Variants in TEK observed in about 807,000 individuals in gnomAD.
TEK encodes the protein TEK receptor tyrosine kinase.
In TEK, 43 loss-of-function variants were observed where a neutral mutation model predicts 131.8. That is an observed-to-expected ratio of 0.33 (90% CI 0.26 to 0.42). The LOEUF (loss-of-function observed/expected upper bound fraction) is 0.42, where lower values mean the gene tolerates loss of function less well. Among genes scored for constraint, TEK ranks in the 10% least tolerant of loss-of-function variants. TEK has a pLI of 1.00. For missense variants in TEK, 1,162 were observed against 1,384.4 expected, an observed-to-expected ratio of 0.84 and a Z score of 2.55; for synonymous variants, 580 against 491.6, an observed-to-expected ratio of 1.18 and a Z score of -2.38.
At chr9:27,175,638 C>T (rs1343942891) in intron 6 of TEK, among the ~76,000 whole-genome samples, 2 of 151,856 alleles carry the variant, frequency 1.3e-5, no homozygotes, top group Admixed American at 1.3e-4. Flanking sequence ...TCCACATCCT[C>T]TCCAGCACCT....
chr9:27,115,286 C>T (rs779221391), intron 1 of TEK, among the ~76,000 whole-genome samples: 41 of 152,008 alleles, frequency 2.7e-4, no homozygotes, highest in Non-Finnish European at 4.4e-4. Context: ...ATCGCTTGAG[C>T]CCAGGAGTTT....
At chr9:27,194,313 C>T (rs759637636) in intron 11 of TEK, among the ~76,000 whole-genome samples, 4 of 152,150 alleles carry the variant, frequency 2.6e-5, no homozygotes, top group Admixed American at 6.5e-5. Flanking sequence ...AACATCCTTC[C>T]TTCACACCAC....
At chr9:27,137,763 A>G (rs1326695770) in intron 1 of TEK, among the ~76,000 whole-genome samples, 7 of 152,106 alleles carry the variant, frequency 4.6e-5, no homozygotes, top group Non-Finnish European at 2.9e-5. Flanking sequence ...ACACCTAAGA[A>G]CATCTTTTAG....
chr9:27,172,313 C>T (rs1040355336), intron 4 of TEK, among the ~76,000 whole-genome samples: 1 of 152,190 alleles, frequency 6.6e-6, no homozygotes, highest in Non-Finnish European at 1.5e-5. Context: ...CCAGCCTTAT[C>T]TTCTTTGCTA....
In TEK at chr9:27,213,526, G is replaced by A. The variant is rs764539097; in HGVS notation, c.2920G>A (p.Glu974Lys). The A allele has an allele frequency of 1.2e-6, 2 of 1,614,078 alleles. No homozygotes were observed. Among genetic ancestry groups the A allele is most frequent in the Non-Finnish European group, 1.7e-6 (2 of 1,179,936 alleles). The change falls in exon 18 of 23, where the codon GAA becomes AAA. Residue 974 changes from glutamate (E) to lysine (K), a missense_variant. Transcript: ENST00000380036. ...DLAARNILVG[E>K]NYVAKIADFG... ...GGCTGCCAGAAACATTTTAGTTGGT[G>A]AAAACTATGTGGCAAAAATAGCAGA...
At chr9:27,220,020 G>A in intron 20 of TEK, 29 bp from the exon 21 acceptor site, 3 of 1,608,250 alleles carry the variant, frequency 1.9e-6, no homozygotes, top group Non-Finnish European at 1.7e-6. Context: ...TGCCAGAGAG[G>A]ACTTAGAGTG....
intron 1 of TEK, among the ~76,000 whole-genome samples, chr9:27,147,407 T>C (rs1204348162): frequency 2.0e-5 from 3 of 152,140 alleles, no homozygotes; most frequent in Non-Finnish European, 1.5e-5. Flanking sequence ...CTCAAATCTT[T>C]TGCTCATTTA....
chr9:27,217,313 T>TTTCCCTTTTCAACCCTGC (rs1404134132), intron 18 of TEK, among the ~76,000 whole-genome samples: 1 of 152,152 alleles, frequency 6.6e-6, no homozygotes, highest in Non-Finnish European at 1.5e-5. Flanking sequence ...CCTACCCCAG[T>TTTCCCTTTTCAACCCTGC]TTCCCTTTTC....
intron 18 of TEK, among the ~76,000 whole-genome samples, chr9:27,214,647 ATAT>A (rs1420758034): frequency 6.6e-6 from 1 of 152,156 alleles, no homozygotes; most frequent in East Asian, 1.9e-4. Flanking sequence ...CTTGGCATAT[ATAT>A]TTTTTTCATT....
chr9:27,218,727 G>GTGGTGA lies in TEK; in HGVS notation c.3063-50_3063-49insTGGTGA, dbSNP rs748929404. On this transcript the variant is annotated intron_variant, in intron 19 of 22. Coordinates refer to ENST00000380036, the MANE Select transcript of TEK (RefSeq NM_000459.5). ...CCTGGCTTTTGGGGCCGGAAAATGAGCGGTGACTCTGTTTGCTGATTGTTG... is the reference window on the plus strand; with the variant it reads ...CCTGGCTTTTGGGGCCGGAAAATGAGTGGTGACGGTGACTCTGTTTGCTGATTGTTG... The GTGGTGA allele has an allele frequency of 7.5e-6, 12 of 1,609,418 alleles. No individual in the cohort carries two copies. In the South Asian group the frequency reaches 1.2e-4, roughly 16 times the overall value.
At chr9:27,136,186 A>C (rs1026271024) in intron 1 of TEK, among the ~76,000 whole-genome samples, 4 of 150,900 alleles carry the variant, frequency 2.7e-5, no homozygotes. Context: ...GGTTCAGGCA[A>C]TTCTTCTGCC....
Position 27,205,030 on chromosome 9 carries a change from G to A in TEK, c.2329G>A (p.Val777Met). 1 of 1,614,050 alleles carries A rather than the reference G, an allele frequency of 6.2e-7. No individual in the cohort carries two copies. The highest frequency in any genetic ancestry group is 8.5e-7 in the Non-Finnish European group (1 of 1,179,932). The change falls in exon 14 of 23, where the codon GTG becomes ATG. Residue 777 changes from valine to methionine, a missense_variant. Physicochemically the swap from Val to Met is conservative, Grantham distance 21. Around this residue, in one of 6 missense-constraint regions of TEK, gnomAD observed 477 missense variants for 471.0 expected, o/e 1.01. Transcript: ENST00000380036. ...CATATTGCAATTGAAGAGGGCAAAT[G>A]TGCAAAGGAGAATGGCCCAAGCCTT... ...LIILQLKRANVQRRMAQAFQN... is the reference protein window; with the variant it reads ...LIILQLKRANMQRRMAQAFQN...
chr9:27,116,409 C>T (rs1267591677), intron 1 of TEK, among the ~76,000 whole-genome samples: 1 of 152,126 alleles, frequency 6.6e-6, no homozygotes. Flanking sequence ...CCACCTCAGC[C>T]TCCTGAATAA....
chr9:27,146,728 T>A (rs1339974853), intron 1 of TEK, among the ~76,000 whole-genome samples: 1 of 149,076 alleles, frequency 6.7e-6, no homozygotes, highest in Non-Finnish European at 1.5e-5. Context: ...CTATTTTTTT[T>A]TTTTTTTTTT....
At chr9:27,148,627 A>C (rs934387851) in intron 1 of TEK, among the ~76,000 whole-genome samples, 1 of 152,224 alleles carries the variant, frequency 6.6e-6, no homozygotes, top group African/African-American at 2.4e-5. Context: ...TCCATTGATC[A>C]AAAGAAGTCC....
At chr9:27,191,602 AGAG>A (rs1824826387) in intron 10 of TEK, among the ~76,000 whole-genome samples, 1 of 150,148 alleles carries the variant, frequency 6.7e-6, no homozygotes, top group Admixed American at 6.7e-5. Context: ...AAAAAAAAAA[AGAG>A]AAGAGGAGGA....
chr9:27,206,613 G>C lies in TEK; in HGVS notation c.2396G>C (p.Gly799Ala). The change falls in exon 15 of 23, where the codon GGG becomes GCG. Residue 799 changes from glycine to alanine, a missense_variant. Gly to Ala is a moderately conservative substitution (Grantham distance 60, BLOSUM62 0). This residue lies in a region of TEK where 477 missense variants were observed against 471.0 expected (regional missense o/e 1.01). Coordinates refer to ENST00000380036, the MANE Select transcript of TEK (RefSeq NM_000459.5). Reference protein sequence around the residue: ...REEPAVQFNSGTLALNRKVKN... With the variant: ...REEPAVQFNSATLALNRKVKN... Reference sequence around the variant, plus strand: ...GAACCAGCTGTGCAGTTCAACTCAGGGACTCTGGCCCTAAACAGGAAGGTC... The same window carrying C: ...GAACCAGCTGTGCAGTTCAACTCAGCGACTCTGGCCCTAAACAGGAAGGTC... 1 of 1,613,942 alleles carries C rather than the reference G, an allele frequency of 6.2e-7. No individual in the cohort carries two copies. The highest frequency in any genetic ancestry group is 8.5e-7 in the Non-Finnish European group (1 of 1,179,976).
At chr9:27,138,234 A>C (rs1443300553) in intron 1 of TEK, among the ~76,000 whole-genome samples, 5 of 152,222 alleles carry the variant, frequency 3.3e-5, no homozygotes, top group Admixed American at 2.0e-4. Context: ...AGGGGATCTG[A>C]GCGGGTTGCC....
intron 2 of TEK, among the ~76,000 whole-genome samples, chr9:27,160,966 C>T (rs1823523608): frequency 6.6e-6 from 1 of 152,192 alleles, no homozygotes; most frequent in African/African-American, 2.4e-5. Flanking sequence ...GATGTTTCCA[C>T]ATTCTAAAGG....
Sources: allele counts gnomAD v4.1 joint callset (sites outside exome capture counted in the v4.1 genomes callset), GRCh38; gene constraint gnomAD v4.1.1; regional missense constraint gnomAD v4.1.1; transcripts MANE v1.5; gene names NCBI Gene and HGNC (gene_info 2026-07-23, HGNC 2026-07-21).